Variants in SCML2 observed in about 807,000 individuals in gnomAD.
SCML2 encodes the protein Scm polycomb group protein like 2.
SCML2 carries 6 observed loss-of-function variants against 48.4 expected under a neutral mutation model. The observed-to-expected ratio is 0.12, with a 90% CI of 0.07 to 0.24. The LOEUF (loss-of-function observed/expected upper bound fraction) is 0.24, where lower values mean the gene tolerates loss of function less well. Ranked by LOEUF, SCML2 falls within the 10% of genes least tolerant of loss-of-function variation. SCML2 has a pLI of 1.00. For synonymous variants in SCML2, 181 were observed against 189.5 expected (o/e 0.95, Z 0.37); for missense variants, 377 against 528.2 (o/e 0.71, Z 2.81).
chrX:18,338,443 T>TAAA (rs776595733), intron 1 of SCML2, among the ~76,000 whole-genome samples: 1 of 68,050 alleles, frequency 1.5e-5, no homozygotes, highest in South Asian at 6.7e-4. Context: ...GACTCTGTCT[T>TAAA]AAAAAAAAAA....
At chrX:18,261,138 C>T (rs1446347827) in intron 8 of SCML2, among the ~76,000 whole-genome samples, 1 of 107,958 alleles carries the variant, frequency 9.3e-6, no homozygotes, top group Non-Finnish European at 1.9e-5. Context: ...AACATTGATA[C>T]AGTGTTCTTT....
At chrX:18,353,922 T>A (rs1930453516) in intron 1 of SCML2, among the ~76,000 whole-genome samples, 1 of 113,045 alleles carries the variant, frequency 8.8e-6, no homozygotes, top group African/African-American at 3.2e-5. Flanking sequence ...GCAACTTTTT[T>A]TCGGTCAGGC....
intron 1 of SCML2, among the ~76,000 whole-genome samples, chrX:18,345,893 T>C (rs1021758105): frequency 9.4e-6 from 1 of 106,487 alleles, no homozygotes; most frequent in African/African-American, 3.4e-5. Flanking sequence ...GCTGGGACTA[T>C]AGGCATGTGC....
chrX:18,317,126 C>A (rs942983192), intron 6 of SCML2, among the ~76,000 whole-genome samples: 10 of 111,813 alleles, frequency 8.9e-5, no homozygotes, highest in Non-Finnish European at 1.9e-4. Context: ...CCCTGTGTTG[C>A]CCAGGCTGGT....
intron 7 of SCML2, among the ~76,000 whole-genome samples, chrX:18,299,174 C>A (rs1310911272): frequency 9.0e-6 from 1 of 111,576 alleles, no homozygotes; most frequent in East Asian, 2.8e-4. Flanking sequence ...CCAGAATATA[C>A]AAGGAACTCA....
chrX:18,346,194 ATCCCCCACCTCCAATATCTC>A (rs1394368905), intron 1 of SCML2, among the ~76,000 whole-genome samples: 1 of 110,840 alleles, frequency 9.0e-6, no homozygotes, highest in Admixed American at 9.7e-5. Context: ...ATCTGAGACA[ATCCCCCACCTCCAATATCTC>A]TCTCTTTCCC....
At chrX:18,247,313 A>G (rs1287687890) in intron 12 of SCML2, among the ~76,000 whole-genome samples, 1 of 111,745 alleles carries the variant, frequency 8.9e-6, no homozygotes, top group Admixed American at 9.5e-5. Context: ...CATATCACCT[A>G]TATTTTTCAT....
At chrX:18,310,360 G>C (rs1213258254) in intron 6 of SCML2, among the ~76,000 whole-genome samples, 1 of 102,831 alleles carries the variant, frequency 9.7e-6, no homozygotes, top group Non-Finnish European at 2.0e-5. Flanking sequence ...CCACCTCCTG[G>C]GTTCAAGCAA....
chrX:18,292,907 C>T (rs1190910403), intron 7 of SCML2, among the ~76,000 whole-genome samples: 1 of 111,593 alleles, frequency 9.0e-6, no homozygotes, highest in African/African-American at 3.2e-5. Flanking sequence ...ACTAGAAACA[C>T]TCTCATTCTA....
chrX:18,264,732 C>T (rs1436828687), intron 8 of SCML2, among the ~76,000 whole-genome samples: 1 of 111,271 alleles, frequency 9.0e-6, no homozygotes, highest in African/African-American at 3.3e-5. Context: ...ATTACCTTGG[C>T]TGGACTTGAA....
rs749577518 is a variant in SCML2, at chrX:18,241,304, C to T, written c.2050G>A (p.Ala684Thr). 1.7e-6 allele frequency: 2 copies of T among 1,201,082 alleles called. No individual in the cohort carries two copies. Among genetic ancestry groups the T allele is most frequent in the East Asian group, 5.9e-5 (2 of 33,617 alleles). ...TCAATGTAGTAACACAGCTTTAATGCTGGCCCCAGCTTCAGCCCCATATAC... is the reference window on the plus strand; with the variant it reads ...TCAATGTAGTAACACAGCTTTAATGTTGGCCCCAGCTTCAGCCCCATATAC... ...MKYMGLKLGPALKLCYYIEKL... is the reference protein window; with the variant it reads ...MKYMGLKLGPTLKLCYYIEKL... Residue 684 changes from alanine (A) to threonine (T), a missense_variant, in exon 15 of 15, where the codon GCA (alanine) becomes ACA (threonine). Coordinates refer to ENST00000251900, the MANE Select transcript of SCML2 (RefSeq NM_006089.3).
At chrX:18,310,195 C>T (rs1014085857) in intron 6 of SCML2, among the ~76,000 whole-genome samples, 1 of 107,894 alleles carries the variant, frequency 9.3e-6, no homozygotes, top group African/African-American at 3.4e-5. Context: ...TTCTCTTTTA[C>T]GGTGAGACAA....
At chrX:18,286,749 T>A (rs994479240) in intron 7 of SCML2, among the ~76,000 whole-genome samples, 1 of 110,888 alleles carries the variant, frequency 9.0e-6, no homozygotes, top group Non-Finnish European at 1.9e-5. Flanking sequence ...CACTTCCTAC[T>A]GTACCCAAAA....
In SCML2 at chrX:18,246,436, C is replaced by A. The variant is rs978795173; in HGVS notation, c.1822+141G>T. ...ATTGGAGGATCCATAATGGTCTGAC[C>A]TGACAGTGATGTGAAAGAGAGGACT... On this transcript the variant is annotated intron_variant, in intron 13 of 14. Coordinates refer to ENST00000251900, the MANE Select transcript of SCML2 (RefSeq NM_006089.3). 1.1e-4 allele frequency: 61 copies of A among 554,736 alleles called. No homozygotes were observed. In the Admixed American group the frequency reaches 1.4e-3, roughly 13 times the overall value. 45.7% of individuals were successfully genotyped at this position (554,736 alleles called of 1,213,427 possible).
intron 6 of SCML2, among the ~76,000 whole-genome samples, chrX:18,317,570 C>T: frequency 8.9e-6 from 1 of 111,903 alleles, no homozygotes; most frequent in Middle Eastern, 4.7e-3. Flanking sequence ...CGGTGGCTCA[C>T]GCCTGTAATC....
intron 11 of SCML2, among the ~76,000 whole-genome samples, chrX:18,256,175 G>A (rs1330372456): frequency 2.7e-5 from 3 of 111,598 alleles, no homozygotes; most frequent in Non-Finnish European, 5.6e-5. Flanking sequence ...CACAGGCTGG[G>A]TGTGGAGGCT....
At chrX:18,250,119 T>C (rs1316361813) in intron 11 of SCML2, among the ~76,000 whole-genome samples, 1 of 106,878 alleles carries the variant, frequency 9.4e-6, no homozygotes, top group Non-Finnish European at 1.9e-5. Flanking sequence ...AAAAAAAAAA[T>C]GAGACATGCA....
chrX:18,326,231 T>C (rs1001916692), intron 3 of SCML2, among the ~76,000 whole-genome samples: 9 of 112,449 alleles, frequency 8.0e-5, no homozygotes, highest in African/African-American at 2.9e-4. Context: ...TATGTGGTAT[T>C]AAGCATGTCA....
chrX:18,351,050 C>T (rs1413636978), intron 1 of SCML2, among the ~76,000 whole-genome samples: 1 of 110,679 alleles, frequency 9.0e-6, no homozygotes, highest in African/African-American at 3.3e-5. Flanking sequence ...AGGAGGATCA[C>T]CTGAGGTCAG....
Sources: allele counts gnomAD v4.1 joint callset (sites outside exome capture counted in the v4.1 genomes callset), GRCh38; gene constraint gnomAD v4.1.1; transcripts MANE v1.5; gene names NCBI Gene and HGNC (gene_info 2026-07-23, HGNC 2026-07-21).